CCSER1: variants seen among roughly 807,000 people sequenced by gnomAD.
The protein encoded by CCSER1 is coiled-coil serine rich protein 1.
In CCSER1, 41 loss-of-function variants were observed where a neutral mutation model predicts 82.0. The ratio of observed to expected loss-of-function variants is 0.50; its 90% confidence interval spans 0.39 to 0.65. The LOEUF is 0.65. CCSER1 is among the 30% of genes least tolerant of loss of function. CCSER1 has a pLI of 0.00. For missense variants in CCSER1, 1,119 were observed against 1,064.2 expected (o/e 1.05, Z -0.72); for synonymous variants, 414 against 383.9 (o/e 1.08, Z -0.92).
intron 1 of CCSER1, among the ~76,000 whole-genome samples, chr4:90,261,680 C>T: frequency 6.6e-6 from 1 of 152,114 alleles, no homozygotes; most frequent in African/African-American, 2.4e-5. Context: ...CTCAATTATT[C>T]CCTGAAATAT....
chr4:91,595,943 T>TAAAAAAAAAA (rs1170927227), intron 10 of CCSER1, among the ~76,000 whole-genome samples: 2 of 78,888 alleles, frequency 2.5e-5, no homozygotes, highest in Non-Finnish European at 2.3e-5. Context: ...ACAGAGAACT[T>TAAAAAAAAAA]AAAAAAAAAA....
chr4:91,426,795 CTTTAAA>C (rs1257023094), intron 10 of CCSER1, among the ~76,000 whole-genome samples: 5 of 152,098 alleles, frequency 3.3e-5, no homozygotes, highest in South Asian at 2.1e-4. Flanking sequence ...GTAAAACAGA[CTTTAAA>C]TTTATATAAA....
chr4:90,225,626 C>T (rs1743024567), intron 1 of CCSER1, among the ~76,000 whole-genome samples: 1 of 152,142 alleles, frequency 6.6e-6, no homozygotes, highest in South Asian at 2.1e-4. Context: ...GGTCTTATAG[C>T]AATAAGATTC....
At chr4:91,298,739 A>G (rs934627547) in intron 10 of CCSER1, among the ~76,000 whole-genome samples, 2 of 152,060 alleles carry the variant, frequency 1.3e-5, no homozygotes, top group Non-Finnish European at 2.9e-5. Context: ...CTGTAAGACT[A>G]CAATATGTAG....
At chr4:91,514,592 C>T (rs1256891244) in intron 10 of CCSER1, among the ~76,000 whole-genome samples, 1 of 151,248 alleles carries the variant, frequency 6.6e-6, no homozygotes, top group Admixed American at 6.6e-5. Context: ...CCTTTTTATA[C>T]ATCTAGGAGT....
intron 5 of CCSER1, among the ~76,000 whole-genome samples, chr4:90,621,973 A>G (rs981418725): frequency 6.6e-6 from 1 of 152,020 alleles, no homozygotes; most frequent in Non-Finnish European, 1.5e-5. Flanking sequence ...AATTATTTCT[A>G]TTTTGCTTTC....
At chr4:91,190,558 A>G (rs1007268126) in intron 10 of CCSER1, among the ~76,000 whole-genome samples, 16 of 152,182 alleles carry the variant, frequency 1.1e-4, no homozygotes, top group African/African-American at 3.6e-4. Flanking sequence ...GACTTTCAGG[A>G]TGATGTATTT....
intron 6 of CCSER1, among the ~76,000 whole-genome samples, chr4:90,683,829 G>T (rs780478611): frequency 1.3e-5 from 2 of 152,030 alleles, no homozygotes; most frequent in Non-Finnish European, 2.9e-5. Context: ...ACTAATGAGG[G>T]ATTGTATGTC....
intron 10 of CCSER1, among the ~76,000 whole-genome samples, chr4:91,414,399 G>T (rs1386290300): frequency 6.6e-6 from 1 of 151,912 alleles, no homozygotes; most frequent in Non-Finnish European, 1.5e-5. Flanking sequence ...AAACCCAATG[G>T]TGACTGTAAG....
At chr4:90,817,066 TGTAA>T (rs1410820194) in intron 8 of CCSER1, among the ~76,000 whole-genome samples, 1 of 152,116 alleles carries the variant, frequency 6.6e-6, no homozygotes, top group African/African-American at 2.4e-5. Flanking sequence ...TTTATAAACC[TGTAA>T]GTAACATATT....
intron 9 of CCSER1, among the ~76,000 whole-genome samples, chr4:91,009,028 C>A (rs191735881): frequency 6.6e-6 from 1 of 152,176 alleles, no homozygotes; most frequent in South Asian, 2.1e-4. Context: ...TTAGCCTGAT[C>A]GGGAGCGGCA....
intron 10 of CCSER1, among the ~76,000 whole-genome samples, chr4:91,109,485 A>G (rs1047008549): frequency 6.6e-6 from 1 of 151,866 alleles, no homozygotes; most frequent in Admixed American, 6.6e-5. Flanking sequence ...AGGTAGTCCT[A>G]AGTTAAAAAA....
At chr4:90,914,194 A>C (rs1415324575) in intron 8 of CCSER1, among the ~76,000 whole-genome samples, 3 of 152,214 alleles carry the variant, frequency 2.0e-5, no homozygotes, top group Non-Finnish European at 4.4e-5. Flanking sequence ...AATATACATT[A>C]TTCTCAGCCC....
chr4:90,259,432 CT>C (rs779748756), intron 1 of CCSER1, among the ~76,000 whole-genome samples: 8 of 151,038 alleles, frequency 5.3e-5, no homozygotes, highest in South Asian at 2.1e-4. Context: ...AGTTTGACTT[CT>C]TTTTTTTTCC....
At chr4:91,407,868 G>A (rs534325234) in intron 10 of CCSER1, among the ~76,000 whole-genome samples, 2 of 152,176 alleles carry the variant, frequency 1.3e-5, no homozygotes, top group African/African-American at 2.4e-5. Context: ...TCAACATGAG[G>A]TGTGGAGAGT....
chr4:91,532,877 A>C (rs566052725), intron 10 of CCSER1, among the ~76,000 whole-genome samples: 66 of 152,200 alleles, frequency 4.3e-4, no homozygotes, highest in African/African-American at 1.5e-3. Flanking sequence ...CTCATAAAAA[A>C]AAAAAAAAGT....
At chr4:91,075,550 A>G (rs922675992) in intron 9 of CCSER1, among the ~76,000 whole-genome samples, 3 of 152,182 alleles carry the variant, frequency 2.0e-5, no homozygotes, top group Non-Finnish European at 4.4e-5. Context: ...ATATGCATAC[A>G]TATATATGAA....
At chr4:90,746,656 A>G (rs2149463534) in intron 7 of CCSER1, among the ~76,000 whole-genome samples, 1 of 152,308 alleles carries the variant, frequency 6.6e-6, no homozygotes, top group Non-Finnish European at 1.5e-5. Flanking sequence ...GCTGGTATTT[A>G]TCTGATAATC....
chr4:91,360,023 G>A (rs1016616647), intron 10 of CCSER1, among the ~76,000 whole-genome samples: 1 of 151,880 alleles, frequency 6.6e-6, no homozygotes, highest in Non-Finnish European at 1.5e-5. Flanking sequence ...TCAAAGCTGA[G>A]ATTCAAACTC....
Sources: allele counts gnomAD v4.1 joint callset (sites outside exome capture counted in the v4.1 genomes callset), GRCh38; gene constraint gnomAD v4.1.1; transcripts MANE v1.5; gene names NCBI Gene and HGNC (gene_info 2026-07-23, HGNC 2026-07-21).